Variants in SDR16C5 observed in about 807,000 individuals in gnomAD.
SDR16C5 encodes short chain dehydrogenase/reductase family 16C member 5.
Under a neutral mutation model 27.7 loss-of-function variants are expected in SDR16C5, and 20 were observed. The observed-to-expected ratio is 0.72, with a 90% confidence interval of 0.51 to 1.05. SDR16C5 has a LOEUF of 1.05. Ranked by LOEUF, SDR16C5 falls within the 50% of genes least tolerant of loss-of-function variation. The pLI, the probability that SDR16C5 is intolerant of heterozygous loss-of-function variation, is 0.00. For synonymous variants in SDR16C5, 139 were observed against 132.3 expected (o/e 1.05, Z -0.35); for missense variants, 374 against 366.3 (o/e 1.02, Z -0.17).
At chr8:56,313,614 T>G (rs1255771173) in intron 2 of SDR16C5, among the ~76,000 whole-genome samples, 1 of 152,228 alleles carries the variant, frequency 6.6e-6, no homozygotes, top group Non-Finnish European at 1.5e-5. Context: ...ACTGTAATAA[T>G]CTGTCCCATA....
In SDR16C5 at chr8:56,316,022, G is replaced by A. The variant is rs760013352; in HGVS notation, c.326C>T (p.Ala109Val). ...TAAACACACAAGAGTTACCTGGTCGGCTACTCTATACACTCCTTCCTTTTG... is the reference window on the plus strand; with the variant it reads ...TAAACACACAAGAGTTACCTGGTCGACTACTCTATACACTCCTTCCTTTTG... ...CSQKEGVYRV[A>V]DQVKKEVGDV... Residue 109 changes from alanine to valine, a missense_variant, in exon 2 of 7, where the codon GCC becomes GTC. Physicochemically the swap from Ala to Val is moderately conservative, Grantham distance 64 (BLOSUM62 0). Transcript: ENST00000303749. 4.3e-6 allele frequency: 7 copies of A among 1,609,262 alleles called. No homozygotes were observed. Among genetic ancestry groups the A allele is most frequent in the Non-Finnish European group, 5.1e-6 (6 of 1,176,292 alleles).
intron 6 of SDR16C5, chr8:56,304,188 C>T (rs1348812491): frequency 3.1e-6 from 2 of 641,006 alleles, no homozygotes; most frequent in Non-Finnish European, 5.6e-6. Flanking sequence ...TGGACAATGG[C>T]TGCTGGCCAT....
chr8:56,301,017 G>A lies in SDR16C5; in HGVS notation c.*463C>T, dbSNP rs1160083876. On this transcript the variant is annotated 3_prime_UTR_variant, in exon 7 of 7. Coordinates refer to ENST00000303749, the MANE Select transcript of SDR16C5 (RefSeq NM_138969.4). Reference sequence around the variant, plus strand: ...GTGGTACAGGTTCAAAATGGCCAGAGAGGATAGCAAGGGGGTAGAAATCCA... The same window carrying A: ...GTGGTACAGGTTCAAAATGGCCAGAAAGGATAGCAAGGGGGTAGAAATCCA... 6.4e-6 allele frequency: 1 copy of A among 155,526 alleles called. No individual in the cohort carries two copies. The allele number at this position is 155,526 out of a possible 1,614,324, so 9.6% of individuals were successfully genotyped here.
chr8:56,300,177 T>TTG lies in SDR16C5; in HGVS notation c.*1302_*1303insCA, dbSNP rs1317923709. The TTG allele has an allele frequency of 1.3e-5, 2 of 149,692 alleles. No individual in the cohort carries two copies. Among genetic ancestry groups the TTG allele is most frequent in the East Asian group, 3.9e-4 (2 of 5,136 alleles). The allele number at this position is 149,692 out of a possible 1,614,324, so 9.3% of individuals were successfully genotyped here. A position where few individuals can be genotyped will look rare whatever the true frequency, so the allele number is the denominator to read the frequency against. ...GTTATAATATTATCATAAAACAAGT[T>TTG]TTTTTTTTTTAAGGTTTTCTGAATG... On this transcript the variant is annotated 3_prime_UTR_variant, in exon 7 of 7. Coordinates refer to ENST00000303749, the MANE Select transcript of SDR16C5 (RefSeq NM_138969.4).
intron 3 of SDR16C5, 55 bp downstream of exon 3, chr8:56,312,102 T>C (rs945938418): frequency 5.4e-6 from 8 of 1,473,950 alleles, no homozygotes; most frequent in East Asian, 2.3e-5. Flanking sequence ...AAGAGGAAAA[T>C]ACTTCCAAAT....
chr8:56,311,679 G>A (rs1815048231), intron 3 of SDR16C5, among the ~76,000 whole-genome samples: 1 of 152,130 alleles, frequency 6.6e-6, no homozygotes, highest in South Asian at 2.1e-4. Flanking sequence ...GTGACTATAG[G>A]TTTTGGTTTG....
Position 56,305,705 on chromosome 8 carries a change from G to A in SDR16C5, c.728C>T (p.Pro243Leu), listed in dbSNP as rs768957012. 2 of 1,592,002 alleles carry A rather than the reference G, an allele frequency of 1.3e-6. No individual in the cohort carries two copies. Among genetic ancestry groups the A allele is most frequent in the Non-Finnish European group, 1.7e-6 (2 of 1,173,130 alleles). ...AACTGCATATTTTGGTTCCAGAATT[G>A]GCAACAGAGAAGGACAGCTAGGATA... ...GCTTGCPSLLPILEPKYAVEK... is the reference protein window; with the variant it reads ...GCTTGCPSLLLILEPKYAVEK... The change falls in exon 6 of 7, where the codon CCA becomes CTA. Residue 243 changes from proline to leucine, a missense_variant. By Grantham distance (98) the Pro-to-Leu change is moderately conservative (BLOSUM62 -3). Coordinates refer to ENST00000303749, the MANE Select transcript of SDR16C5 (RefSeq NM_138969.4).
intron 4 of SDR16C5, 107 bp downstream of exon 4, chr8:56,308,821 A>G (rs1814951510): frequency 2.7e-6 from 2 of 727,898 alleles, no homozygotes. Context: ...TTTTTAGTTT[A>G]TTATCCTTTA....
At position 56,303,850 on chromosome 8, in the gene SDR16C5, G is replaced by C. The variant is rs1814818527; in HGVS notation, c.836+1747C>G. ...AAAAAGAACTTAGTGTGTTGTGAAT[G>C]CACACCCTGCCCAATAAACAGTGCA... On this transcript the variant is annotated intron_variant, in intron 6 of 6. Coordinates refer to ENST00000303749, the MANE Select transcript of SDR16C5 (RefSeq NM_138969.4). The C allele has an allele frequency of 4.6e-6, 3 of 647,744 alleles. No homozygotes were observed. The Admixed American group carries it at 6.8e-5, about 15-fold the overall frequency. 40.1% of individuals were successfully genotyped at this position (647,744 alleles called of 1,614,324 possible). A position where few individuals can be genotyped will look rare whatever the true frequency, so the allele number is the denominator to read the frequency against.
intron 6 of SDR16C5, 78 bp downstream of exon 6, chr8:56,305,519 A>C (rs1814858798): frequency 8.0e-7 from 1 of 1,253,642 alleles, no homozygotes; most frequent in Non-Finnish European, 1.1e-6. Context: ...GGTATTTTTA[A>C]AGTGGCTTCT....
Position 56,305,682 on chromosome 8 carries a change from C to T in SDR16C5, c.751G>A (p.Val251Ile), listed in dbSNP as rs754737737. ...LLPILEPKYA[V>I]EKIVEAILQE... is the part of the protein sequence containing the mutation. The stretch of plus-strand genomic sequence containing the variant: ...AGAATAGCTTCTACTATTTTTTCAA[C>T]TGCATATTTTGGTTCCAGAATTGGC... The change falls in exon 6 of 7, where the codon GTT becomes ATT. Residue 251 changes from valine to isoleucine, a missense_variant. Val to Ile is a conservative substitution (Grantham distance 29, BLOSUM62 3). Transcript: ENST00000303749. 2.4e-5 allele frequency: 39 copies of T among 1,601,256 alleles called. No homozygotes were observed. The highest frequency in any genetic ancestry group is 4.0e-5 in the African/African-American group (3 of 74,148).
intron 6 of SDR16C5, 150 bp downstream of exon 6, chr8:56,305,447 T>C (rs1374229189): frequency 1.2e-4 from 75 of 638,944 alleles, no homozygotes; most frequent in Non-Finnish European, 2.4e-6. Context: ...GTGTCAGCAA[T>C]GGGCACAATG....
intron 6 of SDR16C5, among the ~76,000 whole-genome samples, chr8:56,302,460 G>A (rs1346148347): frequency 6.6e-6 from 1 of 151,614 alleles, no homozygotes. Flanking sequence ...AGATCACAAG[G>A]TCAGGAGTTT....
chr8:56,311,637 C>A (rs143106114), intron 3 of SDR16C5, among the ~76,000 whole-genome samples: 260 of 152,150 alleles, frequency 1.7e-3, no homozygotes, highest in African/African-American at 5.8e-3. Context: ...ACCAGTGGAA[C>A]CTCTAATTTC....
intron 1 of SDR16C5, among the ~76,000 whole-genome samples, chr8:56,318,015 A>G (rs1815244020): frequency 6.6e-6 from 1 of 152,186 alleles, no homozygotes; most frequent in South Asian, 2.1e-4. Context: ...TGTGCTATGG[A>G]GAGGATGATC....
At chr8:56,308,809 A>G (rs1004357139) in intron 4 of SDR16C5, 119 bp downstream of exon 4, 2 of 647,184 alleles carry the variant, frequency 3.1e-6, no homozygotes. Context: ...TATTGACTAT[A>G]CTTTTTAGTT....
chr8:56,311,067 G>T (rs2129259996), intron 3 of SDR16C5, among the ~76,000 whole-genome samples: 1 of 152,296 alleles, frequency 6.6e-6, no homozygotes, highest in Admixed American at 6.5e-5. Flanking sequence ...GAGGAGCTCA[G>T]AAATCTCCAG....
chr8:56,305,316 C>T (rs531810963), intron 6 of SDR16C5, among the ~76,000 whole-genome samples: 207 of 152,266 alleles, frequency 1.4e-3, no homozygotes, highest in Non-Finnish European at 2.6e-3. Flanking sequence ...TCATTTCGAT[C>T]TTTCCATCTA....
In SDR16C5 at chr8:56,301,335, T is replaced by G. The variant is rs1047383488; in HGVS notation, c.*145A>C. 1.1e-5 allele frequency: 6 copies of G among 567,948 alleles called. No homozygotes were observed. The East Asian group carries it at 1.3e-4, about 13-fold the overall frequency. 35.2% of individuals were successfully genotyped at this position (567,948 alleles called of 1,614,324 possible). On this transcript the variant is annotated 3_prime_UTR_variant, in exon 7 of 7. Transcript: ENST00000303749. Reference sequence around the variant, plus strand: ...CAACATTATTTTCAAACACATTGATTGAAAATTCTAGTCCAGATAACAGAA... The same window carrying G: ...CAACATTATTTTCAAACACATTGATGGAAAATTCTAGTCCAGATAACAGAA...
Sources: allele counts gnomAD v4.1 joint callset (sites outside exome capture counted in the v4.1 genomes callset), GRCh38; gene constraint gnomAD v4.1.1; transcripts MANE v1.5; gene names NCBI Gene and HGNC (gene_info 2026-07-23, HGNC 2026-07-21).